The following KLHL29 variants were observed in gnomAD, a reference collection of about 807,000 sequenced individuals.
The protein encoded by KLHL29 is kelch-like protein 29.
KLHL29 carries 21 observed loss-of-function variants against 80.4 expected under a neutral mutation model. The ratio of observed to expected loss-of-function variants is 0.26; its 90% CI spans 0.19 to 0.38. The LOEUF (loss-of-function observed/expected upper bound fraction) is 0.38. Ranked by LOEUF, KLHL29 falls within the 10% of genes least tolerant of loss-of-function variation. The pLI is 1.00. For missense variants in KLHL29, 867 were observed against 1,223.9 expected (o/e 0.71, Z 4.35); for synonymous variants, 511 against 526.8 (o/e 0.97, Z 0.41).
chr2:23,543,213 C>G (rs1427972765), intron 2 of KLHL29, among the ~76,000 whole-genome samples: 2 of 152,132 alleles, frequency 1.3e-5, no homozygotes, highest in Non-Finnish European at 2.9e-5. Flanking sequence ...CCGAGTCACT[C>G]GCACACACAT....
At position 23,691,827 on chromosome 2, in the gene KLHL29, C is replaced by G. The variant is rs1156499521; in HGVS notation, c.1233C>G (p.Ala411=). 1 of 1,551,454 alleles carries G rather than the reference C, an allele frequency of 6.4e-7. No individual in the cohort carries two copies. The highest frequency in any genetic ancestry group is 1.4e-5 in the African/African-American group (1 of 73,050). The change falls in exon 7 of 14, where the codon GCC becomes GCG. Residue 411 remains alanine, a synonymous_variant. Coordinates refer to ENST00000486442, the MANE Select transcript of KLHL29 (RefSeq NM_052920.2). ...ACGCCAAGACACTGCTGGAGGCGGC[C>G]AGCAAGTTCCAGTTCCACACCTTCT... The part of the protein sequence containing the change: ...SANAKTLLEA[A]SKFQFHTFCK...
rs1420610415 is a variant in KLHL29 at position 23,706,690 on chromosome 2, CTG to C, written c.*29_*30del. The C allele has an allele frequency of 2.7e-6, 4 of 1,471,978 alleles. No individual in the cohort carries two copies. The South Asian group carries it at 4.0e-5, about 15-fold the overall frequency. 91.2% of individuals were successfully genotyped at this position (1,471,978 alleles called of 1,614,324 possible). A position where few individuals can be genotyped will look rare whatever the true frequency, so the allele number is the denominator to read the frequency against. ...CATCAGCAGAAAGCCCACGATAAGA[CTG>C]TGGACAAGTCTGGTGAGGCAAGTGC... On this transcript the variant is annotated 3_prime_UTR_variant, in exon 14 of 14. Coordinates refer to ENST00000486442, the MANE Select transcript of KLHL29 (RefSeq NM_052920.2).
intron 1 of KLHL29, among the ~76,000 whole-genome samples, chr2:23,414,752 T>A (rs949151909): frequency 6.6e-6 from 1 of 152,184 alleles, no homozygotes; most frequent in African/African-American, 2.4e-5. Flanking sequence ...TCCTTGCCGG[T>A]CTCAGACTGG....
chr2:23,428,865 A>G (rs1056998244), intron 1 of KLHL29, among the ~76,000 whole-genome samples: 7 of 152,242 alleles, frequency 4.6e-5, no homozygotes, highest in African/African-American at 1.4e-4. Context: ...TTGCTTTGCA[A>G]TGTCCCAGCC....
At chr2:23,545,691 A>G (rs1709301) in intron 2 of KLHL29, among the ~76,000 whole-genome samples, 125,939 of 152,214 alleles carry the variant, frequency 0.83, 52,450 homozygotes, top group East Asian at 1. Flanking sequence ...CCCCGGCTAC[A>G]CTGCTCCTGG....
chr2:23,600,579 C>T lies in KLHL29; in HGVS notation c.285+38098C>T, dbSNP rs141338409. ...CTCCCGGGCTTTCCTGCAAAGGGGGCGTTGTTCCTCTACCAGCTCAGCTGT... is the reference window on the plus strand; with the variant it reads ...CTCCCGGGCTTTCCTGCAAAGGGGGTGTTGTTCCTCTACCAGCTCAGCTGT... On this transcript the variant is annotated intron_variant, in intron 3 of 13. Coordinates refer to ENST00000486442, the MANE Select transcript of KLHL29 (RefSeq NM_052920.2). Among the ~76,000 whole-genome samples the T allele has an allele frequency of 4.6e-5, 7 of 152,304 alleles. No homozygotes were observed. In the East Asian group the frequency reaches 5.8e-4, roughly 13 times the overall value.
At chr2:23,521,131 C>G (rs1046705873) in intron 2 of KLHL29, among the ~76,000 whole-genome samples, 2 of 152,144 alleles carry the variant, frequency 1.3e-5, no homozygotes, top group Non-Finnish European at 2.9e-5. Flanking sequence ...TCTATCTGCC[C>G]CCTGCCTGCC....
chr2:23,614,626 A>G (rs1668955484), intron 3 of KLHL29, among the ~76,000 whole-genome samples: 1 of 152,234 alleles, frequency 6.6e-6, no homozygotes, highest in South Asian at 2.1e-4. Flanking sequence ...AATCACACAC[A>G]TAATATTGAT....
At chr2:23,397,095 G>C (rs1200943026) in intron 1 of KLHL29, among the ~76,000 whole-genome samples, 1 of 152,184 alleles carries the variant, frequency 6.6e-6, no homozygotes, top group East Asian at 1.9e-4. Context: ...TGTGCTCTGA[G>C]ACCTGGAAGG....
At chr2:23,579,060 G>A (rs572578231) in intron 3 of KLHL29, among the ~76,000 whole-genome samples, 1 of 152,206 alleles carries the variant, frequency 6.6e-6, no homozygotes, top group South Asian at 2.1e-4. Context: ...CGTTCTGTTT[G>A]TTGGTGGTTG....
Position 23,682,821 on chromosome 2 carries a change from G to A in KLHL29, c.941-1578G>A, listed in dbSNP as rs868258209. Among the ~76,000 whole-genome samples the A allele has an allele frequency of 2.0e-5, 3 of 152,076 alleles. No individual in the cohort carries two copies. Among genetic ancestry groups the A allele is most frequent in the South Asian group, 2.1e-4 (1 of 4,822 alleles). On this transcript the variant is annotated intron_variant, in intron 5 of 13. Transcript: ENST00000486442. This position sits in a 1 kb window ranked among gnomAD's most constrained non-coding sequence, Gnocchi z 4.1. ...GAAGTCCCAGCCAGAGCCCCCTTCC[G>A]CACCCCTGGAGATGCTCTGCTGTGA... is the stretch of plus-strand genomic sequence containing the variant.
intron 2 of KLHL29, among the ~76,000 whole-genome samples, chr2:23,483,787 C>G (rs1285412735): frequency 1.3e-5 from 2 of 152,186 alleles, no homozygotes; most frequent in African/African-American, 4.8e-5. Context: ...CAAGGTCACA[C>G]AGCCCATCAG....
At chr2:23,629,215 G>T (rs1669407777) in intron 3 of KLHL29, among the ~76,000 whole-genome samples, 2 of 152,050 alleles carry the variant, frequency 1.3e-5, no homozygotes, top group Middle Eastern at 3.4e-3. Context: ...GTCCCTGTCT[G>T]TCCGTCTGGG....
At chr2:23,450,541 A>T (rs2103421193) in intron 1 of KLHL29, among the ~76,000 whole-genome samples, 1 of 152,002 alleles carries the variant, frequency 6.6e-6, no homozygotes, top group South Asian at 2.1e-4. Flanking sequence ...AGCCCTAGAG[A>T]TTCAATTGGC....
chr2:23,645,700 T>C (rs1669908588), intron 5 of KLHL29, among the ~76,000 whole-genome samples: 1 of 152,354 alleles, frequency 6.6e-6, no homozygotes, highest in East Asian at 1.9e-4. Context: ...TAGACTTCAT[T>C]AGTGCCCAGA....
intron 1 of KLHL29, among the ~76,000 whole-genome samples, chr2:23,468,912 G>A (rs974114897): frequency 3.9e-5 from 6 of 152,224 alleles, no homozygotes; most frequent in African/African-American, 1.4e-4. Context: ...CTCTTTCCTG[G>A]GTGCGAGTTT....
At chr2:23,649,966 G>C (rs1670046278) in intron 5 of KLHL29, among the ~76,000 whole-genome samples, 1 of 152,234 alleles carries the variant, frequency 6.6e-6, no homozygotes, top group Non-Finnish European at 1.5e-5. Flanking sequence ...GCACCACCAA[G>C]TTCTTACTGA....
At chr2:23,639,345 C>T in intron 4 of KLHL29, 65 bp downstream of exon 4, 1 of 1,489,578 alleles carries the variant, frequency 6.7e-7, no homozygotes, top group Non-Finnish European at 9.0e-7. Flanking sequence ...TAGAGGCTTC[C>T]TGGGGACCCC....
chr2:23,522,942 G>T (rs1043161100), intron 2 of KLHL29, among the ~76,000 whole-genome samples: 2 of 152,162 alleles, frequency 1.3e-5, no homozygotes, highest in African/African-American at 4.8e-5. Context: ...TGCCCTGATT[G>T]CGTTCCCTGT....
Sources: gnomAD v4.1 joint callset for allele counts (sites outside exome capture counted in the v4.1 genomes callset) on GRCh38, gnomAD v4.1.1 for gene constraint, Gnocchi (gnomAD v3.1) non-coding constraint, MANE v1.5 for transcripts, NCBI Gene and HGNC (gene_info 2026-07-23, HGNC 2026-07-21) for gene names.